The following PDLIM5 variants were observed in gnomAD, a reference collection of about 807,000 sequenced individuals.
The protein encoded by PDLIM5 is PDZ and LIM domain protein 5.
In PDLIM5, 34 loss-of-function variants were observed where a neutral mutation model predicts 64.2. The ratio of observed to expected loss-of-function variants is 0.53; its 90% CI spans 0.40 to 0.71. The LOEUF is 0.71. Ranked by LOEUF, PDLIM5 falls within the 30% of genes least tolerant of loss-of-function variation. The pLI is 0.00. For synonymous variants in PDLIM5, 253 were observed against 269.1 expected, an observed-to-expected ratio of 0.94 and a Z score of 0.59; for missense variants, 683 against 733.6, an observed-to-expected ratio of 0.93 and a Z score of 0.80.
chr4:94,549,721 G>A (rs968263802), intron 3 of PDLIM5: 1 of 152,070 alleles, frequency 6.6e-6, no homozygotes, highest in Non-Finnish European at 1.5e-5. Context: ...AGGGCAATTT[G>A]GATAAAGTAT....
chr4:94,601,433 G>A (rs76255810), intron 7 of PDLIM5, among the ~76,000 whole-genome samples: 1 of 152,246 alleles, frequency 6.6e-6, no homozygotes, highest in South Asian at 2.1e-4. Flanking sequence ...GGACACAAAC[G>A]TTCACTGTAT....
At chr4:94,599,157 T>G (rs932884122) in intron 7 of PDLIM5, among the ~76,000 whole-genome samples, 4 of 152,128 alleles carry the variant, frequency 2.6e-5, no homozygotes, top group Non-Finnish European at 5.9e-5. Flanking sequence ...TTTTAACAGA[T>G]CACCCTGAAT....
At chr4:94,576,378 G>T (rs1484955873) in intron 5 of PDLIM5, among the ~76,000 whole-genome samples, 1 of 152,018 alleles carries the variant, frequency 6.6e-6, no homozygotes, top group Non-Finnish European at 1.5e-5. Context: ...TTTTAAATAG[G>T]CCACCAAAAG....
intron 2 of PDLIM5, among the ~76,000 whole-genome samples, chr4:94,514,764 G>A (rs1729219386): frequency 6.6e-6 from 1 of 152,070 alleles, no homozygotes; most frequent in Non-Finnish European, 1.5e-5. Context: ...TTCAGTCTTG[G>A]TAAGTTATAT....
At chr4:94,585,866 ATGG>A in intron 6 of PDLIM5, 129 bp downstream of exon 6, 3 of 654,380 alleles carry the variant, frequency 4.6e-6, no homozygotes, top group Non-Finnish European at 7.8e-6. Flanking sequence ...TGTGCATAAC[ATGG>A]GTAATATAAA....
intron 2 of PDLIM5, among the ~76,000 whole-genome samples, chr4:94,500,701 G>A (rs1296820403): frequency 6.6e-6 from 1 of 152,014 alleles, no homozygotes; most frequent in South Asian, 2.1e-4. Context: ...TGATAATCGT[G>A]TCTGCTCCTT....
chr4:94,558,953 G>C (rs1287940284), intron 3 of PDLIM5, among the ~76,000 whole-genome samples: 2 of 151,718 alleles, frequency 1.3e-5, no homozygotes, highest in Non-Finnish European at 2.9e-5. Flanking sequence ...TTTGTCTAAA[G>C]CATTTCAGTT....
At chr4:94,513,447 G>A (rs1161200903) in intron 2 of PDLIM5, among the ~76,000 whole-genome samples, 1 of 152,040 alleles carries the variant, frequency 6.6e-6, no homozygotes, top group Non-Finnish European at 1.5e-5. Flanking sequence ...GATCTTCTTT[G>A]GATAAGTTAA....
At chr4:94,577,244 T>C in intron 5 of PDLIM5, 2 of 457,108 alleles carry the variant, frequency 4.4e-6, no homozygotes, top group Non-Finnish European at 8.8e-6. Flanking sequence ...AATACTTGTG[T>C]GGATAGGTCC....
rs1743022293 is a variant in PDLIM5, at chr4:94,665,360, T to C, written c.*1293T>C. 8.3e-6 allele frequency: 2 copies of C among 240,182 alleles called. No individual in the cohort carries two copies. The highest frequency in any genetic ancestry group is 1.3e-5 in the Non-Finnish European group (2 of 148,586). The allele number at this position is 240,182 out of a possible 1,614,324, so 14.9% of individuals were successfully genotyped here. A position where few individuals can be genotyped will look rare whatever the true frequency, so the allele number is the denominator to read the frequency against. On this transcript the variant is annotated 3_prime_UTR_variant, in exon 13 of 13. Coordinates refer to ENST00000317968, the MANE Select transcript of PDLIM5 (RefSeq NM_006457.5). ...AGCTGGGCATGGTGGGGCGTGCCTG[T>C]AGTCCCATGTACTTGGGAGGCTGAG...
At chr4:94,589,736 CTTTTCT>C (rs1273158345) in intron 7 of PDLIM5, among the ~76,000 whole-genome samples, 7 of 59,568 alleles carry the variant, frequency 1.2e-4, no homozygotes, top group South Asian at 1.4e-3. Flanking sequence ...TTCTTTCTTT[CTTTTCT>C]TTTCTTTTCT....
intron 7 of PDLIM5, chr4:94,586,954 A>G (rs772695353): frequency 8.2e-7 from 1 of 1,215,332 alleles, no homozygotes; most frequent in South Asian, 1.4e-5. Flanking sequence ...CTCTTCTATC[A>G]CTCTTTTTTT....
chr4:94,508,346 A>G (rs1728573067), intron 2 of PDLIM5, among the ~76,000 whole-genome samples: 1 of 152,172 alleles, frequency 6.6e-6, no homozygotes, highest in African/African-American at 2.4e-5. Context: ...TAGGATTGTG[A>G]AAAAAGGTAC....
chr4:94,503,610 A>G (rs927252348), intron 2 of PDLIM5, among the ~76,000 whole-genome samples: 2 of 151,996 alleles, frequency 1.3e-5, no homozygotes, highest in Non-Finnish European at 2.9e-5. Flanking sequence ...CTTGGCCACC[A>G]GAAGGATTTC....
chr4:94,614,205 C>T (rs1476987998), intron 7 of PDLIM5, among the ~76,000 whole-genome samples: 1 of 152,130 alleles, frequency 6.6e-6, no homozygotes, highest in African/African-American at 2.4e-5. Flanking sequence ...TCGTGATCCG[C>T]CCACCTCGGC....
At chr4:94,588,964 A>G (rs368415019) in intron 7 of PDLIM5, among the ~76,000 whole-genome samples, 32 of 152,338 alleles carry the variant, frequency 2.1e-4, no homozygotes, top group African/African-American at 7.2e-4. Context: ...TTCTTTTGTC[A>G]TATCAGTTCT....
intron 7 of PDLIM5, among the ~76,000 whole-genome samples, chr4:94,612,269 C>T (rs1344320092): frequency 6.6e-6 from 1 of 151,986 alleles, no homozygotes; most frequent in Non-Finnish European, 1.5e-5. Flanking sequence ...TATATATTTA[C>T]CTATTATTCT....
At chr4:94,457,033 A>G in intron 2 of PDLIM5, 2 of 943,528 alleles carry the variant, frequency 2.1e-6, no homozygotes, top group Non-Finnish European at 2.5e-6. Context: ...GATATTTAGA[A>G]GATTGTCATT....
chr4:94,495,803 GAGAGTTTTCA>G lies in PDLIM5; in HGVS notation c.97-27919_97-27910del, dbSNP rs1409378309. On this transcript the variant is annotated intron_variant, in intron 2 of 12. Coordinates refer to ENST00000317968, the MANE Select transcript of PDLIM5 (RefSeq NM_006457.5). ...TGAACTCACGTATGATGTAGTTGCA[GAGAGTTTTCA>G]ATTTTCATGGAGCTGTGTGAGCTTG... Among the ~76,000 whole-genome samples, 3 of 152,330 alleles carry G rather than the reference GAGAGTTTTCA, an allele frequency of 2.0e-5. No individual in the cohort carries two copies. The East Asian group carries it at 5.8e-4, about 29-fold the overall frequency.
Sources: gnomAD v4.1 joint callset for allele counts (sites outside exome capture counted in the v4.1 genomes callset) on GRCh38, gnomAD v4.1.1 for gene constraint, MANE v1.5 for transcripts, NCBI Gene and HGNC (gene_info 2026-07-23, HGNC 2026-07-21) for gene names.